CFAP69: variants seen among roughly 807,000 people sequenced by gnomAD.
The protein encoded by CFAP69 is cilia- and flagella-associated protein 69.
In CFAP69, 92 loss-of-function variants were observed where a neutral mutation model predicts 123.0. The ratio of observed to expected loss-of-function variants is 0.75; its 90% CI spans 0.63 to 0.89. The LOEUF is 0.89. Ranked by LOEUF, CFAP69 falls within the 40% of genes least tolerant of loss-of-function variation. The pLI is 0.00. For missense variants in CFAP69, 1,067 were observed against 1,096.9 expected, an observed-to-expected ratio of 0.97 and a Z score of 0.39; for synonymous variants, 380 against 364.3, an observed-to-expected ratio of 1.04 and a Z score of -0.49.
At chr7:90,271,741 A>G (rs896678955) in intron 7 of CFAP69, 40 bp from the exon 8 acceptor site, 12 of 1,588,776 alleles carry the variant, frequency 7.6e-6, no homozygotes. Flanking sequence ...AAAAATGTCA[A>G]TATTGTAAAG....
At chr7:90,246,948 C>A (rs971166118) in intron 1 of CFAP69, among the ~76,000 whole-genome samples, 1 of 151,532 alleles carries the variant, frequency 6.6e-6, no homozygotes, top group Non-Finnish European at 1.5e-5. Flanking sequence ...TCTTTCTTTT[C>A]TTTCATTACT....
At chr7:90,323,386 G>C in the CFAP69 span, among the ~76,000 whole-genome samples, 1 of 152,126 alleles carries the variant, frequency 6.6e-6, no homozygotes, top group African/African-American at 2.4e-5. Context: ...AAGAGAAAGA[G>C]AGAAGGAAGA....
At chr7:90,295,271 C>G (rs1791777185) in intron 15 of CFAP69, among the ~76,000 whole-genome samples, 1 of 152,180 alleles carries the variant, frequency 6.6e-6, no homozygotes, top group African/African-American at 2.4e-5. Flanking sequence ...GGGATTCTAA[C>G]CCTCCTAAAT....
chr7:90,277,152 A>G lies in CFAP69; in HGVS notation c.1033+31A>G, dbSNP rs762972644. On this transcript the variant is annotated intron_variant, in intron 10 of 22. Coordinates refer to ENST00000389297, the MANE Select transcript of CFAP69 (RefSeq NM_001039706.3). ...AAGAATAAAACTTTAAACTTCTTAT[A>G]ATTATCTTGATAAGTCTTGTACAAC... is the stretch of plus-strand genomic sequence containing the variant. The G allele has an allele frequency of 2.9e-5, 46 of 1,574,094 alleles. 1 individual carries two copies. The South Asian group carries it at 5.1e-4, about 17-fold the overall frequency.
At position 90,270,348 on chromosome 7, in the gene CFAP69, A is replaced by G. The variant is rs531384162; in HGVS notation, c.533-1178A>G. 5 of 152,316 alleles carry G rather than the reference A, an allele frequency of 3.3e-5. No homozygotes were observed. In the South Asian group the frequency reaches 1.0e-3, roughly 32 times the overall value. 9.4% of individuals were successfully genotyped at this position (152,316 alleles called of 1,614,324 possible). A position where few individuals can be genotyped will look rare whatever the true frequency, so the allele number is the denominator to read the frequency against. On this transcript the variant is annotated intron_variant, in intron 6 of 22. Transcript: ENST00000389297. ...ATTATTTTAGAAAACACTTTATAGG[A>G]TGGGGAAAAGCTTACAATAAAAGTT...
chr7:90,292,412 T>A (rs1156304636), intron 15 of CFAP69, among the ~76,000 whole-genome samples: 8 of 152,216 alleles, frequency 5.3e-5, no homozygotes, highest in Admixed American at 5.2e-4. Flanking sequence ...AAAGGACTTT[T>A]ATTGGCTTTA....
chr7:90,307,164 TTAGA>T (rs1441577680), intron 20 of CFAP69, 66 bp downstream of exon 20: 19 of 1,100,574 alleles, frequency 1.7e-5, no homozygotes, highest in South Asian at 4.0e-5. Flanking sequence ...AAAAATACAG[TTAGA>T]TAGAATAAGT....
chr7:90,273,645 T>C (rs551651658), intron 8 of CFAP69, among the ~76,000 whole-genome samples: 10 of 152,326 alleles, frequency 6.6e-5, no homozygotes, highest in African/African-American at 2.4e-4. Flanking sequence ...TAAAGTACCG[T>C]AAACTGGGTG....
chr7:90,271,815 A>C lies in CFAP69; in HGVS notation c.717A>C (p.Ala239=). The stretch of plus-strand genomic sequence containing the variant: ...GTACTATAATGATGAAAGCACAAGC[A>C]GCCAGTGGAATCTGTACTCACCTCA... ...VNCTIMMKAQ[A]ASGICTHLND... The change falls in exon 8 of 23, where the codon GCA becomes GCC. Residue 239 remains alanine, a synonymous_variant. Transcript: ENST00000389297. 1 of 1,586,584 alleles carries C rather than the reference A, an allele frequency of 6.3e-7. No homozygotes were observed. The highest frequency in any genetic ancestry group is 8.6e-7 in the Non-Finnish European group (1 of 1,165,728).
intron 2 of CFAP69, among the ~76,000 whole-genome samples, chr7:90,256,817 A>G (rs983771919): frequency 6.6e-6 from 1 of 152,230 alleles, no homozygotes; most frequent in African/African-American, 2.4e-5. Flanking sequence ...GAGAAAAAGT[A>G]TAGACAATAT....
chr7:90,300,417 A>G, intron 17 of CFAP69: 1 of 851,088 alleles, frequency 1.2e-6, no homozygotes, highest in African/African-American at 1.8e-5. Context: ...ATATTTTGGT[A>G]TTTTATACAT....
intron 3 of CFAP69, among the ~76,000 whole-genome samples, chr7:90,260,366 A>T (rs1314580518): frequency 6.6e-6 from 1 of 152,076 alleles, no homozygotes; most frequent in African/African-American, 2.4e-5. Flanking sequence ...TCTCTAAAAA[A>T]AAAAATAGCC....
the CFAP69 span, chr7:90,316,535 G>A: frequency 3.3e-5 from 5 of 152,186 alleles, no homozygotes; most frequent in Non-Finnish European, 7.3e-5. Context: ...AACTCTGTGA[G>A]TCAAAGATTA....
Position 90,265,348 on chromosome 7 carries a change from A to C in CFAP69, c.404A>C (p.Glu135Ala), listed in dbSNP as rs2116823329. 1.2e-6 allele frequency: 2 copies of C among 1,611,910 alleles called. No homozygotes were observed. The highest frequency in any genetic ancestry group is 2.7e-5 in the African/African-American group (2 of 75,024). ...KKVSDEITYA[E>A]DTANSIALLG... ...GTGTCGGATGAAATAACTTATGCTG[A>C]AGATACTGCTAATTCAATTGCACTT... The change falls in exon 5 of 23, where the codon GAA (glutamate) becomes GCA (alanine). Residue 135 changes from glutamate (E) to alanine (A), a missense_variant. Coordinates refer to ENST00000389297, the MANE Select transcript of CFAP69 (RefSeq NM_001039706.3).
chr7:90,301,955 C>T lies in CFAP69; in HGVS notation c.2050+1896C>T, dbSNP rs576637513. 7 of 152,292 alleles carry T rather than the reference C, an allele frequency of 4.6e-5. No homozygotes were observed. The South Asian group carries it at 1.5e-3, about 32-fold the overall frequency. 9.4% of individuals were successfully genotyped at this position (152,292 alleles called of 1,614,324 possible). On this transcript the variant is annotated intron_variant, in intron 17 of 22. Coordinates refer to ENST00000389297, the MANE Select transcript of CFAP69 (RefSeq NM_001039706.3). The stretch of plus-strand genomic sequence containing the variant: ...TACACTCCCAGCAACAGTGTATAAG[C>T]ATCCCCTTTTCTCCACAACCTTGCC...
intron 6 of CFAP69, 53 bp from the exon 7 acceptor site, chr7:90,271,473 T>G (rs1341883812): frequency 6.6e-7 from 1 of 1,520,582 alleles, no homozygotes; most frequent in African/African-American, 1.4e-5. Flanking sequence ...TCTTTTGTCT[T>G]AATGATCATT....
At chr7:90,307,384 T>A in intron 20 of CFAP69, among the ~76,000 whole-genome samples, 1 of 152,180 alleles carries the variant, frequency 6.6e-6, no homozygotes, top group East Asian at 1.9e-4. Context: ...AACTATTATA[T>A]ATCAATAAGA....
intron 1 of CFAP69, among the ~76,000 whole-genome samples, 167 bp downstream of exon 1, chr7:90,245,711 C>A (rs559089025): frequency 1.3e-5 from 2 of 152,218 alleles, no homozygotes; most frequent in East Asian, 3.9e-4. Flanking sequence ...TCCCCCACCC[C>A]CTGCGAACTG....
chr7:90,276,691 A>G (rs1788663216), intron 9 of CFAP69, among the ~76,000 whole-genome samples: 1 of 152,212 alleles, frequency 6.6e-6, no homozygotes, highest in South Asian at 2.1e-4. Context: ...AAAGCTGTTG[A>G]GAATAACTGG....
Sources: gnomAD v4.1 joint callset for allele counts (sites outside exome capture counted in the v4.1 genomes callset) on GRCh38, gnomAD v4.1.1 for gene constraint, MANE v1.5 for transcripts, NCBI Gene and HGNC (gene_info 2026-07-23, HGNC 2026-07-21) for gene names.